The following A2ML1 variants were observed in gnomAD, a reference collection of about 807,000 sequenced individuals.
A2ML1 encodes the protein alpha-2-macroglobulin like 1.
A2ML1 carries 161 observed loss-of-function variants against 181.9 expected under a neutral mutation model. The ratio of observed to expected loss-of-function variants is 0.89; its 90% CI spans 0.78 to 1.01. The LOEUF (loss-of-function observed/expected upper bound fraction) is 1.01, where lower values mean the gene tolerates loss of function less well. A2ML1 is among the 50% of genes least tolerant of loss of function. A2ML1 has a pLI of 0.00. For synonymous variants in A2ML1, 663 were observed against 666.8 expected (o/e 0.99, Z 0.09); for missense variants, 1,670 against 1,768.1 (o/e 0.94, Z 1.00).
chr12:8,862,295 T>G (rs1232951629), intron 28 of A2ML1, among the ~76,000 whole-genome samples: 1 of 151,716 alleles, frequency 6.6e-6, no homozygotes, highest in Non-Finnish European at 1.5e-5. Flanking sequence ...CTTTGCCTCC[T>G]GGGTTCAAGT....
chr12:8,857,411 G>A (rs1235304620), intron 24 of A2ML1, 71 bp downstream of exon 24: 1 of 1,606,696 alleles, frequency 6.2e-7, no homozygotes. Context: ...GATGATACAG[G>A]GAATTCCAGC....
chr12:8,823,423 C>T (rs1479211116), intron 2 of A2ML1, 58 bp downstream of exon 2: 7 of 1,513,786 alleles, frequency 4.6e-6, no homozygotes, highest in Non-Finnish European at 5.4e-6. Flanking sequence ...CCTCCCTAGG[C>T]TCACTATAAT....
chr12:8,838,036 C>A (rs891827273), intron 8 of A2ML1, among the ~76,000 whole-genome samples: 1 of 152,172 alleles, frequency 6.6e-6, no homozygotes, highest in African/African-American at 2.4e-5. Context: ...GATCTTTATC[C>A]TAAACAGGGA....
chr12:8,834,793 A>G, intron 5 of A2ML1, 111 bp downstream of exon 5: 3 of 1,382,692 alleles, frequency 2.2e-6, no homozygotes, highest in South Asian at 1.2e-5. Flanking sequence ...CCAGAGCCCC[A>G]TGACTCTGCC....
chr12:8,827,443 G>A (rs1467911954), intron 3 of A2ML1, among the ~76,000 whole-genome samples: 2 of 152,042 alleles, frequency 1.3e-5, no homozygotes, highest in Non-Finnish European at 2.9e-5. Flanking sequence ...CCTCTTTAAA[G>A]TCAATACCTC....
At chr12:8,829,881 G>A in intron 4 of A2ML1, 102 bp downstream of exon 4, 1 of 1,445,900 alleles carries the variant, frequency 6.9e-7, no homozygotes, top group South Asian at 1.2e-5. Flanking sequence ...GGCAAGGCGA[G>A]GCCCTCTGGG....
intron 11 of A2ML1, among the ~76,000 whole-genome samples, chr12:8,842,061 G>T (rs774908687): frequency 6.6e-6 from 1 of 152,204 alleles, no homozygotes; most frequent in Non-Finnish European, 1.5e-5. Flanking sequence ...TCGATTTCCA[G>T]AACTGTCTGC....
intron 26 of A2ML1, among the ~76,000 whole-genome samples, chr12:8,858,788 T>A (rs1444585527): frequency 6.6e-6 from 1 of 152,078 alleles, no homozygotes; most frequent in Non-Finnish European, 1.5e-5. Flanking sequence ...ACACTGAAAT[T>A]TGATACTACT....
At position 8,848,757 on chromosome 12, in the gene A2ML1, C is replaced by G. The variant is rs762872872; in HGVS notation, c.1871C>G (p.Pro624Arg). Reference protein sequence around the residue: ...GMFPFWYGHYPYQVAEYDQCP... With the variant: ...GMFPFWYGHYRYQVAEYDQCP... The stretch of plus-strand genomic sequence containing the variant: ...TTTCCATTCTGGTATGGTCACTACC[C>G]CTATCAAGTGGCTGAGTATGATCAG... The change falls in exon 16 of 36, where the codon CCC (proline) becomes CGC (arginine). Residue 624 changes from proline (P) to arginine (R), a missense_variant. Pro to Arg is a moderately radical substitution (Grantham distance 103). Coordinates refer to ENST00000299698, the MANE Select transcript of A2ML1 (RefSeq NM_144670.6). 1 of 1,613,704 alleles carries G rather than the reference C, an allele frequency of 6.2e-7. No individual in the cohort carries two copies. The highest frequency in any genetic ancestry group is 1.3e-5 in the African/African-American group (1 of 75,016).
chr12:8,839,962 G>C (rs1943413105), intron 10 of A2ML1, among the ~76,000 whole-genome samples: 1 of 152,074 alleles, frequency 6.6e-6, no homozygotes. Flanking sequence ...GGTCAGGCTG[G>C]TCTTGAACTC....
chr12:8,857,174 G>A lies in A2ML1; in HGVS notation c.2859G>A (p.Met953Ile). The change falls in exon 24 of 36, where the codon ATG becomes ATA. Residue 953 changes from methionine to isoleucine, a missense_variant. Physicochemically the swap from Met to Ile is conservative, Grantham distance 10. Coordinates refer to ENST00000299698, the MANE Select transcript of A2ML1 (RefSeq NM_144670.6). ...CCTTTTGGATCCCAGGAGACATTATGGGCACAGCCCTGCAGAACCTGGATG... is the reference window on the plus strand; with the variant it reads ...CCTTTTGGATCCCAGGAGACATTATAGGCACAGCCCTGCAGAACCTGGATG... Reference protein sequence around the residue: ...KAYVTVLGDIMGTALQNLDGL... With the variant: ...KAYVTVLGDIIGTALQNLDGL... 6.2e-7 allele frequency: 1 copy of A among 1,612,002 alleles called. No individual in the cohort carries two copies.
chr12:8,841,017 AGG>A (rs1565471187), intron 10 of A2ML1, among the ~76,000 whole-genome samples: 17 of 14,074 alleles, frequency 1.2e-3, no homozygotes, highest in African/African-American at 1.8e-3. Context: ...GAAGGACGGA[AGG>A]AAGGAAGGAA....
At position 8,843,262 on chromosome 12, in the gene A2ML1, C is replaced by T. The variant is rs374233026; in HGVS notation, c.1377C>T (p.Asn459=). The change falls in exon 12 of 36, where the codon AAC becomes AAT. Residue 459 remains asparagine, a synonymous_variant. Coordinates refer to ENST00000299698, the MANE Select transcript of A2ML1 (RefSeq NM_144670.6). ...GCTTCCTTGGCATCCACCGGCTAAA[C>T]GGCCCCTTGAAATGTGGCCAGCCCC... is the stretch of plus-strand genomic sequence containing the variant. ...TRSFLGIHRL[N]GPLKCGQPQE... 58 of 1,614,074 alleles carry T rather than the reference C, an allele frequency of 3.6e-5. No homozygotes were observed. Among genetic ancestry groups the T allele is most frequent in the African/African-American group, 2.0e-4 (15 of 74,924 alleles).
At chr12:8,850,583 C>T (rs985635387) in intron 18 of A2ML1, among the ~76,000 whole-genome samples, 6 of 151,950 alleles carry the variant, frequency 3.9e-5, no homozygotes, top group Admixed American at 6.6e-5. Flanking sequence ...AAATCAACAA[C>T]GACAACGACA....
rs202179061 is a variant in A2ML1, at chr12:8,857,239, T to C, written c.2924T>C (p.Met975Thr). The change falls in exon 24 of 36, where the codon ATG becomes ACG. Residue 975 changes from methionine to threonine, a missense_variant. Met to Thr is a moderately conservative substitution (Grantham distance 81, BLOSUM62 -1). Transcript: ENST00000299698. ...QMPSGCGEQN[M>T]VLFAPIIYVL... ...CCCAGTGGCTGTGGCGAGCAGAACA[T>C]GGTCTTGTTTGCTCCCATCATCTAT... 1,036 of 1,613,382 alleles carry C rather than the reference T, an allele frequency of 6.4e-4. 1 individual carries two copies. The highest frequency in any genetic ancestry group is 7.9e-4 in the Non-Finnish European group (930 of 1,179,992).
In A2ML1 at chr12:8,854,220, G is replaced by T; in HGVS notation, c.2683G>T (p.Asp895Tyr). The T allele has an allele frequency of 1.2e-6, 2 of 1,608,702 alleles. No individual in the cohort carries two copies. The highest frequency in any genetic ancestry group is 1.7e-6 in the Non-Finnish European group (2 of 1,177,402). The part of the protein sequence containing the change: ...KGFVPQKGRS[D>Y]TLIKPVLVKP... ...GTTTGTTCCCCAAAAGGGCCGAAGT[G>T]ACACGCTCATCAAGCCAGTTCTCGT... The change falls in exon 21 of 36, where the codon GAC becomes TAC. Residue 895 changes from aspartate (D) to tyrosine (Y), a missense_variant. Transcript: ENST00000299698.
intron 4 of A2ML1, among the ~76,000 whole-genome samples, chr12:8,832,506 T>TTC: frequency 6.6e-6 from 1 of 152,350 alleles, no homozygotes; most frequent in South Asian, 2.1e-4. Flanking sequence ...AAAGTTAGTC[T>TTC]GGCTTACACC....
intron 1 of A2ML1, 139 bp downstream of exon 1, chr12:8,822,852 C>G: frequency 1.3e-6 from 1 of 781,968 alleles, no homozygotes; most frequent in Non-Finnish European, 2.1e-6. Flanking sequence ...TTTGGTTCCA[C>G]TGATCCTTTA....
chr12:8,841,020 A>ACGG (rs1263018550), intron 10 of A2ML1, among the ~76,000 whole-genome samples: 3,105 of 62,968 alleles, frequency 0.049, 47 homozygotes, highest in Middle Eastern at 0.16. Flanking sequence ...GGACGGAAGG[A>ACGG]AGGAAGGAAG....
Sources: allele counts gnomAD v4.1 joint callset (sites outside exome capture counted in the v4.1 genomes callset), GRCh38; gene constraint gnomAD v4.1.1; transcripts MANE v1.5; gene names NCBI Gene and HGNC (gene_info 2026-07-23, HGNC 2026-07-21).